Variants in SCNN1B observed in about 807,000 individuals in gnomAD.
The protein encoded by SCNN1B is sodium channel epithelial 1 subunit beta.
SCNN1B carries 46 observed loss-of-function variants against 65.3 expected under a neutral mutation model. The ratio of observed to expected loss-of-function variants is 0.70; its 90% CI spans 0.56 to 0.90. The LOEUF (loss-of-function observed/expected upper bound fraction) is 0.90, where lower values mean the gene tolerates loss of function less well. SCNN1B is among the 40% of genes least tolerant of loss of function. The pLI is 0.00. For synonymous variants in SCNN1B, 349 were observed against 330.6 expected, an observed-to-expected ratio of 1.06 and a Z score of -0.60; for missense variants, 751 against 830.5, an observed-to-expected ratio of 0.90 and a Z score of 1.18.
chr16:23,287,067 T>G (rs1376304359), intron 2 of SCNN1B, among the ~76,000 whole-genome samples: 2 of 149,686 alleles, frequency 1.3e-5, no homozygotes, highest in Admixed American at 1.3e-4. Flanking sequence ...TACAATGGGG[T>G]GATCTCCACT....
chr16:23,324,311 C>T (rs1961649075), intron 1 of SCNN1B, among the ~76,000 whole-genome samples: 1 of 152,012 alleles, frequency 6.6e-6, no homozygotes, highest in Non-Finnish European at 1.5e-5. Context: ...CCTCAGCCTC[C>T]CAAGTAGCTG....
At chr16:23,293,082 T>TCCAGTCTG (rs1374003450) in intron 2 of SCNN1B, among the ~76,000 whole-genome samples, 1 of 120,908 alleles carries the variant, frequency 8.3e-6, no homozygotes, top group East Asian at 2.7e-4. Context: ...GCCACTGTAC[T>TCCAGTCTG]CCAGTCTGGG....
In SCNN1B at chr16:23,353,075, G is replaced by A. The variant is rs1411771150; in HGVS notation, c.585+1G>A. 1 of 1,614,148 alleles carries A rather than the reference G, an allele frequency of 6.2e-7. No homozygotes were observed. Among genetic ancestry groups the A allele is most frequent in the South Asian group, 1.1e-5 (1 of 91,080 alleles). ...CGGGTGCAAAATGGCCATGAGACTA[G>A]TAAGTGGTCCCTGGGCACATATCAA... On this transcript the variant is annotated splice_donor_variant, in intron 3 of 12. Transcript: ENST00000343070. LOFTEE classifies it high-confidence loss of function.
intron 1 of SCNN1B, among the ~76,000 whole-genome samples, chr16:23,310,328 G>A (rs1961315432): frequency 6.8e-6 from 1 of 147,414 alleles, no homozygotes; most frequent in South Asian, 2.1e-4. Flanking sequence ...CATAAACTCA[G>A]GCATTCCAAG....
intron 5 of SCNN1B, among the ~76,000 whole-genome samples, chr16:23,369,536 G>C (rs1169934569): frequency 2.0e-5 from 3 of 152,146 alleles, no homozygotes; most frequent in African/African-American, 7.2e-5. Flanking sequence ...ACTCAGGCTG[G>C]CTGTGGTTTT....
At position 23,337,386 on chromosome 16, in the gene SCNN1B, T is replaced by G. The variant is rs2142006166; in HGVS notation, c.-8-11206T>G. Among the ~76,000 whole-genome samples the G allele has an allele frequency of 1.3e-5, 2 of 150,866 alleles. 1 individual carries two copies. The highest frequency in any genetic ancestry group is 4.2e-4 in the South Asian group (2 of 4,720). ...TTTCTCTTTCTTTCTTTTTTTTTTT[T>G]TTTTGAGATGGAGTTTCACTCTTGT... On this transcript the variant is annotated intron_variant, in intron 1 of 12. Coordinates refer to ENST00000343070, the MANE Select transcript of SCNN1B (RefSeq NM_000336.3).
intron 7 of SCNN1B, among the ~76,000 whole-genome samples, chr16:23,375,079 G>C (rs1962865599): frequency 6.6e-6 from 1 of 151,992 alleles, no homozygotes; most frequent in South Asian, 2.1e-4. Context: ...CTGAAACCAG[G>C]TCAGAATGAC....
intron 6 of SCNN1B, 141 bp from the exon 7 acceptor site, chr16:23,371,635 C>T (rs1962786816): frequency 2.0e-6 from 2 of 987,586 alleles, no homozygotes; most frequent in Non-Finnish European, 1.6e-6. Context: ...AAGGTGAGCC[C>T]TCTGGCGCCC....
upstream of SCNN1B, among the ~76,000 whole-genome samples, chr16:23,300,480 A>G (rs943887321): frequency 2.0e-5 from 3 of 152,178 alleles, no homozygotes; most frequent in Non-Finnish European, 4.4e-5. Flanking sequence ...TATTAAGCCA[A>G]GCATTAAAGA....
chr16:23,324,756 G>A (rs1284883194), intron 1 of SCNN1B, among the ~76,000 whole-genome samples: 33 of 152,118 alleles, frequency 2.2e-4, no homozygotes, highest in Admixed American at 2.1e-3. Flanking sequence ...CCCTCTCCAA[G>A]TTGCCTCCAG....
intron 2 of SCNN1B, among the ~76,000 whole-genome samples, chr16:23,296,490 A>G (rs553126408): frequency 5.3e-5 from 8 of 152,334 alleles, no homozygotes; most frequent in Non-Finnish European, 1.0e-4. Flanking sequence ...AAAACATTTC[A>G]GAACATGGAC....
chr16:23,347,966 C>T (rs942310837), intron 1 of SCNN1B, among the ~76,000 whole-genome samples: 8 of 152,290 alleles, frequency 5.3e-5, no homozygotes, highest in African/African-American at 1.7e-4. Flanking sequence ...TATTTACCCA[C>T]TTATTCAGTT....
At chr16:23,323,446 G>A in intron 1 of SCNN1B, 1 of 677,890 alleles carries the variant, frequency 1.5e-6, no homozygotes, top group Non-Finnish European at 2.7e-6. Flanking sequence ...GCCTCTCATA[G>A]GCACTGATCT....
chr16:23,305,930 C>T (rs1438821892), intron 1 of SCNN1B, among the ~76,000 whole-genome samples: 1 of 152,028 alleles, frequency 6.6e-6, no homozygotes, highest in African/African-American at 2.4e-5. Flanking sequence ...CTCTATCTCC[C>T]AGCTATGCAG....
At chr16:23,300,995 T>C (rs1961069873), upstream of SCNN1B, among the ~76,000 whole-genome samples, 1 of 142,302 alleles carries the variant, frequency 7.0e-6, no homozygotes, top group South Asian at 2.2e-4. Context: ...TAAAAACACG[T>C]GTGTGTGTGT....
At chr16:23,361,880 TA>T (rs1317106455) in intron 4 of SCNN1B, among the ~76,000 whole-genome samples, 2 of 152,092 alleles carry the variant, frequency 1.3e-5, no homozygotes, top group Non-Finnish European at 2.9e-5. Context: ...CGTGCCCGAT[TA>T]ATTTTTTTAT....
chr16:23,282,284 G>A (rs544234475), intron 1 of SCNN1B, among the ~76,000 whole-genome samples: 2 of 152,220 alleles, frequency 1.3e-5, no homozygotes, highest in South Asian at 4.2e-4. Context: ...CAAAATGAGG[G>A]GGAAGAACAG....
intron 1 of SCNN1B, among the ~76,000 whole-genome samples, chr16:23,319,901 G>A (rs1384360760): frequency 6.6e-6 from 1 of 152,118 alleles, no homozygotes; most frequent in East Asian, 1.9e-4. Context: ...CTGAGTAGCT[G>A]AGATAACAGG....
At position 23,379,368 on chromosome 16, in the gene SCNN1B, G is replaced by T. The variant is rs571624715; in HGVS notation, c.1466+601G>T. On this transcript the variant is annotated intron_variant, in intron 11 of 12. Coordinates refer to ENST00000343070, the MANE Select transcript of SCNN1B (RefSeq NM_000336.3). ...GTAAAAAGGGCTCAAGGAGAGGAGGGTCTGTACAAGCCCCCTACTCTAGGA... is the reference window on the plus strand; with the variant it reads ...GTAAAAAGGGCTCAAGGAGAGGAGGTTCTGTACAAGCCCCCTACTCTAGGA... Among the ~76,000 whole-genome samples, 21 of 152,280 alleles carry T rather than the reference G, an allele frequency of 1.4e-4. No individual in the cohort carries two copies. The South Asian group carries it at 4.1e-3, about 30-fold the overall frequency.
Sources: gnomAD v4.1 joint callset for allele counts (sites outside exome capture counted in the v4.1 genomes callset) on GRCh38, gnomAD v4.1.1 for gene constraint, MANE v1.5 for transcripts, NCBI Gene and HGNC (gene_info 2026-07-23, HGNC 2026-07-21) for gene names.